XKR6: variants seen among roughly 807,000 people sequenced by gnomAD.
XKR6 encodes the protein XK-related protein 6.
Under a neutral mutation model 56.7 loss-of-function variants are expected in XKR6, and 22 were observed. That is an observed-to-expected ratio of 0.39 (90% CI 0.28 to 0.55). XKR6 has a LOEUF of 0.55. Ranked by LOEUF, XKR6 falls within the 20% of genes least tolerant of loss-of-function variation. The probability of loss-of-function intolerance (pLI) is 0.66; values close to 1 mark genes in which losing one functional copy is unlikely to be tolerated. For missense variants in XKR6, 852 were observed against 889.0 expected (o/e 0.96, Z 0.53); for synonymous variants, 524 against 387.8 (o/e 1.35, Z -4.13).
At chr8:10,992,455 C>G (rs1798015644) in intron 1 of XKR6, among the ~76,000 whole-genome samples, 1 of 152,194 alleles carries the variant, frequency 6.6e-6, no homozygotes, top group Admixed American at 6.5e-5. Flanking sequence ...AGATGTGCTT[C>G]TTTCATCAGC....
intron 1 of XKR6, among the ~76,000 whole-genome samples, chr8:10,966,270 C>T (rs1264121638): frequency 3.3e-5 from 5 of 152,102 alleles, no homozygotes; most frequent in African/African-American, 4.8e-5. Flanking sequence ...GATGCTGATG[C>T]CGCTGGTCCA....
intron 1 of XKR6, among the ~76,000 whole-genome samples, chr8:11,032,719 G>C (rs886391256): frequency 7.2e-5 from 11 of 152,186 alleles, no homozygotes; most frequent in Non-Finnish European, 1.0e-4. Flanking sequence ...GCAGACTGCA[G>C]CTAGGGGTCT....
At chr8:11,060,452 G>A (rs1367701231) in intron 1 of XKR6, among the ~76,000 whole-genome samples, 3 of 152,180 alleles carry the variant, frequency 2.0e-5, no homozygotes, top group Non-Finnish European at 2.9e-5. Context: ...GCCACCCGCC[G>A]GGAACTAGGG....
At chr8:11,060,990 G>A (rs930164229) in intron 1 of XKR6, among the ~76,000 whole-genome samples, 2 of 152,196 alleles carry the variant, frequency 1.3e-5, no homozygotes, top group Admixed American at 6.5e-5. Flanking sequence ...CTCCAAGGCT[G>A]GGTTTGGAGC....
At chr8:11,091,729 C>A (rs570461074) in intron 1 of XKR6, among the ~76,000 whole-genome samples, 1 of 152,030 alleles carries the variant, frequency 6.6e-6, no homozygotes, top group Non-Finnish European at 1.5e-5. Context: ...GCCCTGCAGC[C>A]GTGGGGCCGG....
intron 1 of XKR6, among the ~76,000 whole-genome samples, chr8:10,969,359 T>C (rs3885690): frequency 0.33 from 50,284 of 152,092 alleles, 8,622 homozygotes; most frequent in Non-Finnish European, 0.37. Flanking sequence ...TCAAGTTAGA[T>C]CTGGTTGAGG....
In XKR6 at chr8:11,123,371, G is replaced by GT. The variant is rs201702856; in HGVS notation, c.764+77204dup. On this transcript the variant is annotated intron_variant, in intron 1 of 2. Transcript: ENST00000416569. ...GTCATTATAAACATAAAGATTTTTTGTTTTTTTTTAAATCGGCAAATTCTA... is the reference window on the plus strand; with the variant it reads ...GTCATTATAAACATAAAGATTTTTTGTTTTTTTTTTAAATCGGCAAATTCTA... 241 of 152,534 alleles carry GT rather than the reference G, an allele frequency of 1.6e-3. 4 individuals are homozygous for GT. The South Asian group carries it at 0.02, about 12-fold the overall frequency. The allele number at this position is 152,534 out of a possible 1,614,324, so 9.4% of individuals were successfully genotyped here.
chr8:11,034,791 C>T (rs1250413589), intron 1 of XKR6, among the ~76,000 whole-genome samples: 1 of 152,186 alleles, frequency 6.6e-6, no homozygotes, highest in Non-Finnish European at 1.5e-5. Context: ...GTGTGTGCAA[C>T]ATTTACCATG....
chr8:11,024,860 C>T (rs1798825846), intron 1 of XKR6, among the ~76,000 whole-genome samples: 1 of 152,222 alleles, frequency 6.6e-6, no homozygotes, highest in Non-Finnish European at 1.5e-5. Flanking sequence ...ACCATCCATC[C>T]CTACTCCTCC....
At chr8:10,952,778 T>C (rs1801764408) in intron 1 of XKR6, among the ~76,000 whole-genome samples, 1 of 152,152 alleles carries the variant, frequency 6.6e-6, no homozygotes. Flanking sequence ...GAGCCTCCTC[T>C]TAGCACAGGG....
chr8:11,161,571 G>A (rs1261582599), intron 1 of XKR6, among the ~76,000 whole-genome samples: 1 of 152,184 alleles, frequency 6.6e-6, no homozygotes, highest in Admixed American at 6.5e-5. Flanking sequence ...CACTCACTCA[G>A]CAGAGCATGA....
intron 1 of XKR6, among the ~76,000 whole-genome samples, chr8:10,953,182 A>T (rs1362303382): frequency 6.6e-6 from 1 of 152,174 alleles, no homozygotes; most frequent in African/African-American, 2.4e-5. Context: ...TCATCCTGAA[A>T]CCATCCTCCC....
intron 1 of XKR6, among the ~76,000 whole-genome samples, chr8:11,102,453 C>G (rs1340511572): frequency 2.6e-5 from 4 of 152,154 alleles, no homozygotes; most frequent in Non-Finnish European, 5.9e-5. Flanking sequence ...AGTTCCCCTA[C>G]CGAATAGCTC....
intron 1 of XKR6, among the ~76,000 whole-genome samples, chr8:11,183,995 T>C (rs1803132346): frequency 1.3e-5 from 2 of 152,276 alleles, no homozygotes. Flanking sequence ...ATGATTCCAC[T>C]GTAAGGGCAA....
At chr8:10,984,676 A>G (rs1797810136) in intron 1 of XKR6, among the ~76,000 whole-genome samples, 1 of 146,904 alleles carries the variant, frequency 6.8e-6, no homozygotes, top group African/African-American at 2.5e-5. Context: ...TAAAAGTAAC[A>G]CAAAAGATAA....
intron 1 of XKR6, among the ~76,000 whole-genome samples, chr8:11,085,706 C>T (rs1020554671): frequency 6.6e-6 from 1 of 152,154 alleles, no homozygotes; most frequent in Admixed American, 6.5e-5. Context: ...GCAGGCCTCC[C>T]ACAGGCCTCT....
chr8:11,093,555 C>G (rs1040290880), intron 1 of XKR6, among the ~76,000 whole-genome samples: 3 of 152,182 alleles, frequency 2.0e-5, no homozygotes, highest in African/African-American at 7.2e-5. Context: ...TTATAATAGC[C>G]AGATGTTGGC....
chr8:11,152,662 G>C (rs1801324523), intron 1 of XKR6, among the ~76,000 whole-genome samples: 3 of 152,150 alleles, frequency 2.0e-5, no homozygotes, highest in Non-Finnish European at 4.4e-5. Flanking sequence ...TCACTCATCT[G>C]TTTGCTTTTG....
chr8:10,923,452 A>T (rs1210459144), intron 2 of XKR6, among the ~76,000 whole-genome samples: 1 of 152,236 alleles, frequency 6.6e-6, no homozygotes, highest in Non-Finnish European at 1.5e-5. Flanking sequence ...TCAGCAGCAC[A>T]TCTGGGTTCA....
Sources: gnomAD v4.1 joint callset for allele counts (sites outside exome capture counted in the v4.1 genomes callset) on GRCh38, gnomAD v4.1.1 for gene constraint, MANE v1.5 for transcripts, NCBI Gene and HGNC (gene_info 2026-07-23, HGNC 2026-07-21) for gene names.